DPEP2: variants seen among roughly 807,000 people sequenced by gnomAD.
The protein encoded by DPEP2 is dipeptidase 2.
In DPEP2, 45 loss-of-function variants were observed where a neutral mutation model predicts 51.8. The observed-to-expected ratio is 0.87, with a 90% CI of 0.68 to 1.11. DPEP2 has a LOEUF of 1.11. Ranked by LOEUF, DPEP2 falls within the 50% of genes most tolerant of loss-of-function variation. The pLI is 0.00. For missense variants in DPEP2, 604 were observed against 631.9 expected, an observed-to-expected ratio of 0.96 and a Z score of 0.47; for synonymous variants, 255 against 262.7, an observed-to-expected ratio of 0.97 and a Z score of 0.28.
chr16:67,998,260 C>T (rs540024844), intron 1 of DPEP2, among the ~76,000 whole-genome samples: 1 of 152,114 alleles, frequency 6.6e-6, no homozygotes, highest in East Asian at 1.9e-4. Flanking sequence ...CGCTTGCGGG[C>T]CAGCTGGAGT....
chr16:67,997,237 T>C (rs1025570915), intron 1 of DPEP2, among the ~76,000 whole-genome samples: 3 of 151,912 alleles, frequency 2.0e-5, no homozygotes, highest in Non-Finnish European at 4.4e-5. Context: ...TTTGCCATGT[T>C]GGCCAGGCTG....
At chr16:67,993,284 C>G (rs978890174) in intron 1 of DPEP2, 27 bp from the exon 2 acceptor site, 2 of 1,372,736 alleles carry the variant, frequency 1.5e-6, no homozygotes, top group South Asian at 1.7e-5. Flanking sequence ...AGGGGCAGAG[C>G]GCGACGATGG....
intron 7 of DPEP2, among the ~76,000 whole-genome samples, chr16:67,990,364 C>CTA (rs2031976062): frequency 6.6e-6 from 1 of 152,138 alleles, no homozygotes; most frequent in Non-Finnish European, 1.5e-5. Flanking sequence ...CTAGAACCCC[C>CTA]GACTCCTGGA....
chr16:67,991,639 A>T lies in DPEP2; in HGVS notation c.662+199T>A. The T allele has an allele frequency of 1.3e-6, 1 of 764,980 alleles. No homozygotes were observed. The highest frequency in any genetic ancestry group is 2.8e-5 in the East Asian group (1 of 36,100). 47.4% of individuals were successfully genotyped at this position (764,980 alleles called of 1,614,324 possible). On this transcript the variant is annotated intron_variant, in intron 5 of 10. Transcript: ENST00000393847. This position sits in a 1 kb window ranked among gnomAD's most constrained non-coding sequence, Gnocchi z 5.1. ...GTTATCTGTCCGCCTCAGCCTCCCA[A>T]AGTTTTGGGATTACAGGCATGAGCC...
At chr16:67,990,777 T>C in intron 7 of DPEP2, 44 bp downstream of exon 7, 1 of 1,586,346 alleles carries the variant, frequency 6.3e-7, no homozygotes, top group Non-Finnish European at 8.6e-7. Flanking sequence ...GGGCTCCTGG[T>C]TTGAACCTCT....
At chr16:67,995,681 G>C (rs1276815066) in intron 1 of DPEP2, among the ~76,000 whole-genome samples, 1 of 152,154 alleles carries the variant, frequency 6.6e-6, no homozygotes, top group Non-Finnish European at 1.5e-5. Flanking sequence ...ACATCACTAT[G>C]GGTGGGGCGC....
At chr16:67,993,474 G>T in intron 1 of DPEP2, 1 of 1,233,740 alleles carries the variant, frequency 8.1e-7, no homozygotes, top group Non-Finnish European at 1.0e-6. Flanking sequence ...GCGGATCCCT[G>T]TCCTGGGCGC....
chr16:67,989,717 C>T lies in DPEP2; in HGVS notation c.995-319G>A, dbSNP rs192268434. Among the ~76,000 whole-genome samples, 442 of 152,272 alleles carry T rather than the reference C, an allele frequency of 2.9e-3. 1 individual carries two copies. Among genetic ancestry groups the T allele is most frequent in the African/African-American group, 9.7e-3 (402 of 41,546 alleles). Reference sequence around the variant, plus strand: ...TCTTTTCTATGGTTGTGGGAGATGACGGAGGGACAAAGAGTACAACTGACA... The same window carrying T: ...TCTTTTCTATGGTTGTGGGAGATGATGGAGGGACAAAGAGTACAACTGACA... On this transcript the variant is annotated intron_variant, in intron 8 of 10. Transcript: ENST00000393847.
intron 9 of DPEP2, 196 bp from the exon 10 acceptor site, chr16:67,988,183 T>G: frequency 1.6e-6 from 1 of 617,712 alleles, no homozygotes; most frequent in Non-Finnish European, 2.8e-6. Context: ...CAAAACTTAT[T>G]GAATCATACT....
chr16:67,991,355 C>CT lies in DPEP2; in HGVS notation c.663-172dup, dbSNP rs1195513156. Among the ~76,000 whole-genome samples the CT allele has an allele frequency of 1.3e-5, 2 of 150,188 alleles. No homozygotes were observed. Among genetic ancestry groups the CT allele is most frequent in the Admixed American group, 6.6e-5 (1 of 15,070 alleles). Reference sequence around the variant, plus strand: ...GCAGGAGGGCCCTGCTGGGTCCAGTCTTTTTTTTCCTTTTCTTTTTTTTTT... The same window carrying CT: ...GCAGGAGGGCCCTGCTGGGTCCAGTCTTTTTTTTTCCTTTTCTTTTTTTTTT... On this transcript the variant is annotated intron_variant, in intron 5 of 10. Coordinates refer to ENST00000393847, the MANE Select transcript of DPEP2 (RefSeq NM_022355.4). This position sits in a 1 kb window ranked among gnomAD's most constrained non-coding sequence, Gnocchi z 5.1.
chr16:67,998,568 T>A lies in DPEP2; in HGVS notation c.-46+807A>T, dbSNP rs191651466. On this transcript the variant is annotated intron_variant, in intron 1 of 10. Transcript: ENST00000393847. ...CCGCCCCCTGCTCCACAGCGCCCAG[T>A]CCCATCGACCACCACAGGGCTGAGG... Among the ~76,000 whole-genome samples the A allele has an allele frequency of 1.9e-3, 291 of 152,340 alleles. 4 individuals carry two copies. In the South Asian group the frequency reaches 0.03, roughly 16 times the overall value.
intron 8 of DPEP2, 100 bp from the exon 9 acceptor site, chr16:67,989,498 G>T: frequency 7.9e-7 from 1 of 1,264,926 alleles, no homozygotes; most frequent in Non-Finnish European, 1.1e-6. Context: ...CAGCCTGTGG[G>T]CCAGGCAGGC....
chr16:67,989,191 G>A, intron 9 of DPEP2, 132 bp downstream of exon 9: 2 of 975,452 alleles, frequency 2.1e-6, no homozygotes, highest in South Asian at 1.5e-5. Flanking sequence ...CTGGGATGAA[G>A]ACAAACAGGA....
At chr16:67,987,789 C>T (rs779154752) in intron 10 of DPEP2, 29 bp from the exon 11 acceptor site, 3 of 1,612,806 alleles carry the variant, frequency 1.9e-6, no homozygotes, top group Non-Finnish European at 2.5e-6. Flanking sequence ...GCTCAGCTTC[C>T]ACAGCTCTCC....
At chr16:67,995,222 T>TA (rs1270118313) in intron 1 of DPEP2, among the ~76,000 whole-genome samples, 6 of 152,020 alleles carry the variant, frequency 3.9e-5, no homozygotes, top group African/African-American at 1.2e-4. Flanking sequence ...TTTTATTTAT[T>TA]TTTTTAATTA....
At chr16:67,989,983 G>A (rs773942656) in intron 8 of DPEP2, 64 bp downstream of exon 8, 3 of 1,557,324 alleles carry the variant, frequency 1.9e-6, no homozygotes, top group Non-Finnish European at 1.8e-6. Context: ...GGACAGTCCT[G>A]GGGCCCTCCC....
intron 9 of DPEP2, among the ~76,000 whole-genome samples, chr16:67,988,988 G>A (rs767036108): frequency 1.3e-5 from 2 of 152,110 alleles, no homozygotes; most frequent in African/African-American, 2.4e-5. Context: ...AAAAGGAGAA[G>A]GAGAAGGAGA....
At chr16:67,997,463 T>C (rs2032767352) in intron 1 of DPEP2, among the ~76,000 whole-genome samples, 2 of 152,112 alleles carry the variant, frequency 1.3e-5, no homozygotes, top group African/African-American at 4.8e-5. Flanking sequence ...TTCAGGCCAT[T>C]CTCCTGCCGC....
At position 67,992,056 on chromosome 16, in the gene DPEP2, T is replaced by G. The variant is rs200838059; in HGVS notation, c.520+8A>C. On this transcript the variant is annotated splice_region_variant and intron_variant, in intron 4 of 10. Transcript: ENST00000393847. ...CAAGTTCCTAACGCTTCCCATCAAC[T>G]TGCCTACCTTTAGCCGAGGTCACAA... 3.1e-4 allele frequency: 495 copies of G among 1,614,114 alleles called. 1 individual carries two copies. Among genetic ancestry groups the G allele is most frequent in the Non-Finnish European group, 4.0e-4 (477 of 1,179,996 alleles).
Sources: gnomAD v4.1 joint callset for allele counts (sites outside exome capture counted in the v4.1 genomes callset) on GRCh38, gnomAD v4.1.1 for gene constraint, Gnocchi (gnomAD v3.1) non-coding constraint, MANE v1.5 for transcripts, NCBI Gene and HGNC (gene_info 2026-07-23, HGNC 2026-07-21) for gene names.